The following SYN3 variants were observed in gnomAD, a reference collection of about 807,000 sequenced individuals.
The protein encoded by SYN3 is synapsin-3.
SYN3 carries 35 observed loss-of-function variants against 65.8 expected under a neutral mutation model. The ratio of observed to expected loss-of-function variants is 0.53; its 90% CI spans 0.41 to 0.70. SYN3 has a LOEUF of 0.70. SYN3 is among the 30% of genes least tolerant of loss of function. The pLI is 0.00. For missense variants in SYN3, 680 were observed against 749.0 expected, an observed-to-expected ratio of 0.91 and a Z score of 1.08; for synonymous variants, 270 against 292.9, an observed-to-expected ratio of 0.92 and a Z score of 0.80.
intron 6 of SYN3, among the ~76,000 whole-genome samples, chr22:32,691,903 G>A (rs2060665953): frequency 6.6e-6 from 1 of 152,060 alleles, no homozygotes; most frequent in Non-Finnish European, 1.5e-5. Context: ...CATGGAATGA[G>A]CTCCTGGGGT....
intron 6 of SYN3, among the ~76,000 whole-genome samples, chr22:32,742,772 C>T (rs924163242): frequency 3.9e-5 from 6 of 152,138 alleles, no homozygotes; most frequent in African/African-American, 4.8e-5. Flanking sequence ...CAGAAGTCCA[C>T]GTTATTAACA....
At chr22:32,785,968 G>A (rs186340488) in intron 6 of SYN3, among the ~76,000 whole-genome samples, 1 of 151,252 alleles carries the variant, frequency 6.6e-6, no homozygotes, top group Non-Finnish European at 1.5e-5. Flanking sequence ...AGAAGAAGGA[G>A]AAATCCAAGG....
chr22:32,906,692 G>A (rs1447504565), intron 4 of SYN3, among the ~76,000 whole-genome samples: 1 of 151,854 alleles, frequency 6.6e-6, no homozygotes, highest in Non-Finnish European at 1.5e-5. Context: ...GGTGTGTGAT[G>A]TTCCCCTCCC....
intron 6 of SYN3, among the ~76,000 whole-genome samples, chr22:32,648,572 C>T (rs1303092310): frequency 6.6e-6 from 1 of 152,202 alleles, no homozygotes; most frequent in Non-Finnish European, 1.5e-5. Context: ...GGAAAGAGCA[C>T]AGCATTGGTT....
intron 3 of SYN3, among the ~76,000 whole-genome samples, chr22:32,935,308 T>TCTCTCA (rs1556021081): frequency 6.7e-6 from 1 of 149,120 alleles, no homozygotes; most frequent in African/African-American, 2.5e-5. Flanking sequence ...TCTCTCTCTC[T>TCTCTCA]CACACACACA....
At chr22:32,991,179 T>C (rs1447126282) in intron 2 of SYN3, among the ~76,000 whole-genome samples, 1 of 149,276 alleles carries the variant, frequency 6.7e-6, no homozygotes. Context: ...TGAGACTCCG[T>C]CTCAAAAAAA....
intron 6 of SYN3, among the ~76,000 whole-genome samples, chr22:32,823,472 C>T (rs911642603): frequency 6.6e-6 from 1 of 152,146 alleles, no homozygotes; most frequent in Admixed American, 6.5e-5. Context: ...ATGCAGTGGG[C>T]CGTCTGTGTC....
intron 6 of SYN3, chr22:32,635,295 A>G (rs1322626463): frequency 1.3e-5 from 2 of 151,808 alleles, no homozygotes; most frequent in African/African-American, 2.4e-5. Flanking sequence ...TCTATTTTCT[A>G]TATGTATCTA....
In SYN3 at chr22:32,650,424, G is replaced by A. The variant is rs185721479; in HGVS notation, c.712-53688C>T. Among the ~76,000 whole-genome samples, 101 of 151,868 alleles carry A rather than the reference G, an allele frequency of 6.7e-4. 1 individual carries two copies. In the East Asian group the frequency reaches 6.8e-3, roughly 10 times the overall value. On this transcript the variant is annotated intron_variant, in intron 6 of 13. Transcript: ENST00000358763. ...TGGTACCACAGGTGTGTACCTCCATGCCTGGCTAATTTTTGCATTTTTGTG... is the reference window on the plus strand; with the variant it reads ...TGGTACCACAGGTGTGTACCTCCATACCTGGCTAATTTTTGCATTTTTGTG...
At chr22:32,593,162 A>G (rs969604601) in intron 7 of SYN3, among the ~76,000 whole-genome samples, 2 of 152,112 alleles carry the variant, frequency 1.3e-5, no homozygotes, top group Non-Finnish European at 2.9e-5. Context: ...TGTTACTGCA[A>G]GTTTTCTCAT....
chr22:32,841,633 A>G (rs1477477186), intron 6 of SYN3, among the ~76,000 whole-genome samples: 2 of 151,818 alleles, frequency 1.3e-5, no homozygotes, highest in Non-Finnish European at 2.9e-5. Context: ...TCTGGGATAT[A>G]TAAGTAAAAA....
At chr22:32,563,244 A>G (rs2058612785) in intron 7 of SYN3, among the ~76,000 whole-genome samples, 2 of 152,240 alleles carry the variant, frequency 1.3e-5, no homozygotes, top group African/African-American at 4.8e-5. Flanking sequence ...CATGTGCTCA[A>G]TACATTCATC....
intron 4 of SYN3, among the ~76,000 whole-genome samples, chr22:32,907,833 C>A (rs1465729409): frequency 6.6e-6 from 1 of 152,130 alleles, no homozygotes; most frequent in Non-Finnish European, 1.5e-5. Flanking sequence ...TAACATACAC[C>A]ACTCTGTCTA....
chr22:33,010,052 G>A (rs2053312334), intron 1 of SYN3, among the ~76,000 whole-genome samples: 1 of 151,932 alleles, frequency 6.6e-6, no homozygotes, highest in Non-Finnish European at 1.5e-5. Context: ...GACCAACATG[G>A]AGAAACCCCG....
intron 6 of SYN3, among the ~76,000 whole-genome samples, chr22:32,602,519 T>A (rs1457198566): frequency 6.6e-6 from 1 of 152,206 alleles, no homozygotes; most frequent in Non-Finnish European, 1.5e-5. Context: ...TGGAGTGTAG[T>A]GACACGATCT....
At chr22:32,659,185 G>A (rs2060183008) in intron 6 of SYN3, among the ~76,000 whole-genome samples, 1 of 152,188 alleles carries the variant, frequency 6.6e-6, no homozygotes, top group South Asian at 2.1e-4. Flanking sequence ...TAAAGAGTTG[G>A]AGTGGGGTGA....
chr22:32,942,963 C>T (rs979186620), intron 3 of SYN3, among the ~76,000 whole-genome samples: 3 of 152,142 alleles, frequency 2.0e-5, no homozygotes, highest in South Asian at 2.1e-4. Context: ...ACCAAATCTA[C>T]GTCTGACTGG....
At position 32,762,331 on chromosome 22, in the gene SYN3, C is replaced by T. The variant is rs542030360; in HGVS notation, c.711+102584G>A. 3.9e-5 allele frequency among the ~76,000 whole-genome samples: 6 copies of T among 152,102 alleles called. No individual in the cohort carries two copies. The South Asian group carries it at 1.0e-3, about 26-fold the overall frequency. ...CATACATCCTTCCTCAGGGTTATAG[C>T]GGTGGGCTGGGACTGGCACCCTCTT... On this transcript the variant is annotated intron_variant, in intron 6 of 13. Coordinates refer to ENST00000358763, the MANE Select transcript of SYN3 (RefSeq NM_003490.4).
chr22:32,687,327 T>A (rs973233031), intron 6 of SYN3, among the ~76,000 whole-genome samples: 141 of 150,886 alleles, frequency 9.3e-4, no homozygotes, highest in African/African-American at 3.2e-3. Context: ...CACGCCCGGC[T>A]AATTTTCTGT....
Sources: gnomAD v4.1 joint callset for allele counts (sites outside exome capture counted in the v4.1 genomes callset) on GRCh38, gnomAD v4.1.1 for gene constraint, MANE v1.5 for transcripts, NCBI Gene and HGNC (gene_info 2026-07-23, HGNC 2026-07-21) for gene names.